Variants in UNC5C observed in about 807,000 individuals in gnomAD.
The protein encoded by UNC5C is netrin receptor UNC5C.
In UNC5C, 47 loss-of-function variants were observed where a neutral mutation model predicts 99.8. The ratio of observed to expected loss-of-function variants is 0.47; its 90% CI spans 0.37 to 0.60. The LOEUF is 0.60. UNC5C is among the 20% of genes least tolerant of loss of function. The pLI, the probability that UNC5C is intolerant of heterozygous loss-of-function variation, is 0.00. For missense variants in UNC5C, 1,062 were observed against 1,165.9 expected, an observed-to-expected ratio of 0.91 and a Z score of 1.30; for synonymous variants, 487 against 452.2, an observed-to-expected ratio of 1.08 and a Z score of -0.98.
At chr4:95,383,955 G>C (rs955524586) in intron 1 of UNC5C, among the ~76,000 whole-genome samples, 1 of 151,948 alleles carries the variant, frequency 6.6e-6, no homozygotes, top group African/African-American at 2.4e-5. Context: ...TTGTCTCTTT[G>C]GTTAAAAAAT....
intron 1 of UNC5C, among the ~76,000 whole-genome samples, chr4:95,453,682 A>G (rs1045084838): frequency 6.6e-6 from 1 of 152,076 alleles, no homozygotes; most frequent in Non-Finnish European, 1.5e-5. Flanking sequence ...CAGTTTGAAA[A>G]AAAGCCCACC....
intron 2 of UNC5C, among the ~76,000 whole-genome samples, chr4:95,328,653 A>G (rs1742996377): frequency 6.9e-6 from 1 of 144,046 alleles, no homozygotes. Context: ...TGACTTCCAC[A>G]ATGGTTGAAC....
rs377553615 is a variant in UNC5C at position 95,256,699 on chromosome 4, A to AATATATATATAT, written c.595-6044_595-6033dup. Reference sequence around the variant, plus strand: ...TTGTCTAGAGGGACAGAACTAAATAAATATATATATATATATATATATGAG... The same window carrying AATATATATATAT: ...TTGTCTAGAGGGACAGAACTAAATAAATATATATATATATATATATATATATATATATATGAG... On this transcript the variant is annotated intron_variant, in intron 4 of 15. Coordinates refer to ENST00000453304, the MANE Select transcript of UNC5C (RefSeq NM_003728.4). Among the ~76,000 whole-genome samples, 24 of 90,682 alleles carry AATATATATATAT rather than the reference A, an allele frequency of 2.6e-4. 1 individual carries two copies. The highest frequency in any genetic ancestry group is 7.6e-4 in the African/African-American group (21 of 27,800). The allele number at this position is 90,682 out of a possible 152,430, so 59.5% of individuals were successfully genotyped here.
chr4:95,232,656 G>C (rs1319722336), intron 7 of UNC5C, among the ~76,000 whole-genome samples: 1 of 152,020 alleles, frequency 6.6e-6, no homozygotes, highest in Non-Finnish European at 1.5e-5. Context: ...TAACCTGTTT[G>C]GTGCTCCGTA....
At chr4:95,255,949 C>T (rs1167394411) in intron 4 of UNC5C, among the ~76,000 whole-genome samples, 2 of 152,106 alleles carry the variant, frequency 1.3e-5, no homozygotes, top group Non-Finnish European at 2.9e-5. Context: ...ACCATAGCTG[C>T]TCCTTTCTCT....
intron 1 of UNC5C, among the ~76,000 whole-genome samples, chr4:95,414,913 G>A (rs1362823290): frequency 6.6e-6 from 1 of 152,168 alleles, no homozygotes; most frequent in East Asian, 1.9e-4. Context: ...GAATTTTGGA[G>A]ATTATTGTGA....
chr4:95,270,770 C>A (rs1740629114), intron 4 of UNC5C, among the ~76,000 whole-genome samples: 1 of 152,158 alleles, frequency 6.6e-6, no homozygotes, highest in African/African-American at 2.4e-5. Flanking sequence ...ATAACACCAT[C>A]CAAGGGAACA....
At chr4:95,480,901 C>T (rs1721129813) in intron 1 of UNC5C, among the ~76,000 whole-genome samples, 2 of 151,606 alleles carry the variant, frequency 1.3e-5, no homozygotes, top group Admixed American at 1.3e-4. Flanking sequence ...CAGCCAATAT[C>T]ACACTGAATG....
intron 1 of UNC5C, among the ~76,000 whole-genome samples, chr4:95,377,986 C>T (rs1396381262): frequency 6.6e-6 from 1 of 152,088 alleles, no homozygotes; most frequent in African/African-American, 2.4e-5. Context: ...CCTTCCCCAC[C>T]CTCCTTCCAA....
chr4:95,424,898 C>T (rs1305058304), intron 1 of UNC5C, among the ~76,000 whole-genome samples: 1 of 152,002 alleles, frequency 6.6e-6, no homozygotes, highest in East Asian at 1.9e-4. Context: ...TAAATTCAAA[C>T]CCAGACACTT....
chr4:95,215,895 T>G (rs1738230683), intron 10 of UNC5C: 1 of 374,548 alleles, frequency 2.7e-6, no homozygotes, highest in African/African-American at 2.1e-5. Context: ...CGTGTCCACT[T>G]GGGAAAAGAT....
chr4:95,352,906 C>A (rs1050184159), intron 1 of UNC5C, among the ~76,000 whole-genome samples: 7 of 152,078 alleles, frequency 4.6e-5, no homozygotes, highest in Admixed American at 1.3e-4. Flanking sequence ...CATTAGCATT[C>A]CCAAATGAAT....
chr4:95,365,152 T>G (rs1744515275), intron 1 of UNC5C, among the ~76,000 whole-genome samples: 2 of 150,618 alleles, frequency 1.3e-5, no homozygotes, highest in Admixed American at 1.3e-4. Context: ...AGAAATTAAC[T>G]GGGCATGGTG....
chr4:95,234,734 C>T (rs1371925540), intron 7 of UNC5C, among the ~76,000 whole-genome samples: 5 of 152,050 alleles, frequency 3.3e-5, no homozygotes, highest in Admixed American at 6.6e-5. Flanking sequence ...TTATCTCCAG[C>T]GTAGGAACTA....
chr4:95,464,186 C>A (rs1747700138), intron 1 of UNC5C, among the ~76,000 whole-genome samples: 1 of 152,154 alleles, frequency 6.6e-6, no homozygotes, highest in Admixed American at 6.5e-5. Flanking sequence ...ACTATTGATA[C>A]TGAACCACAC....
At chr4:95,286,173 C>T (rs2865424) in intron 3 of UNC5C, among the ~76,000 whole-genome samples, 99,629 of 151,606 alleles carry the variant, frequency 0.66, 33,686 homozygotes, top group African/African-American at 0.83. Flanking sequence ...GGCTATACAT[C>T]TACTGTTATC....
At chr4:95,412,633 C>CA (rs1746030629) in intron 1 of UNC5C, among the ~76,000 whole-genome samples, 1 of 152,242 alleles carries the variant, frequency 6.6e-6, no homozygotes, top group South Asian at 2.1e-4. Flanking sequence ...GTCTCCCCCA[C>CA]AAAAAAATTA....
At chr4:95,192,283 C>G (rs1737162358) in intron 12 of UNC5C, among the ~76,000 whole-genome samples, 1 of 143,068 alleles carries the variant, frequency 7.0e-6, no homozygotes, top group African/African-American at 2.6e-5. Context: ...TTCTGCCCAC[C>G]TCTTCTCACC....
In UNC5C at chr4:95,417,921, C is replaced by CT. The variant is rs77783985; in HGVS notation, c.125-82291dup. Among the ~76,000 whole-genome samples the CT allele has an allele frequency of 7.1e-3, 1,075 of 152,264 alleles. 30 individuals carry two copies. The highest frequency in any genetic ancestry group is 0.066 in the East Asian group (342 of 5,174). On this transcript the variant is annotated intron_variant, in intron 1 of 15. Transcript: ENST00000453304. ...TTTTCCTGTGCTTCCTTTCCTGCAC[C>CT]TTTACTCCTGTCCCTCTGAGCATCA...
Sources: gnomAD v4.1 joint callset for allele counts (sites outside exome capture counted in the v4.1 genomes callset) on GRCh38, gnomAD v4.1.1 for gene constraint, MANE v1.5 for transcripts, NCBI Gene and HGNC (gene_info 2026-07-23, HGNC 2026-07-21) for gene names.